Variants in TEAD4 observed in about 807,000 individuals in gnomAD.
The protein encoded by TEAD4 is transcriptional enhancer factor TEF-3.
A neutral mutation model predicts 52.4 loss-of-function variants in TEAD4; 36 were observed. The ratio of observed to expected loss-of-function variants is 0.69; its 90% confidence interval spans 0.53 to 0.91. The LOEUF is 0.91. Among genes scored for constraint, TEAD4 ranks in the 40% least tolerant of loss-of-function variants. The pLI is 0.00. For synonymous variants in TEAD4, 220 were observed against 231.0 expected, an observed-to-expected ratio of 0.95 and a Z score of 0.43; for missense variants, 508 against 583.9, an observed-to-expected ratio of 0.87 and a Z score of 1.34.
intron 2 of TEAD4, among the ~76,000 whole-genome samples, chr12:2,983,855 C>G (rs2098235986): frequency 6.6e-6 from 1 of 152,208 alleles, no homozygotes; most frequent in Non-Finnish European, 1.5e-5. Flanking sequence ...TGAGGACTTA[C>G]AGAGGAAGAC....
chr12:3,010,917 C>A lies in TEAD4; in HGVS notation c.227-87C>A, dbSNP rs911214677. 3 of 1,435,736 alleles carry A rather than the reference C, an allele frequency of 2.1e-6. No individual in the cohort carries two copies. In the African/African-American group the frequency reaches 4.2e-5, roughly 20 times the overall value. The allele number at this position is 1,435,736 out of a possible 1,614,324, so 88.9% of individuals were successfully genotyped here. On this transcript the variant is annotated intron_variant, in intron 3 of 12. Transcript: ENST00000359864. ...GGATGGGCAGAGAGTGAGGGCAGGG[C>A]TCCTCCGCAGAAGGTACCCCGCACC... is the stretch of plus-strand genomic sequence containing the variant.
At chr12:3,038,688 G>A (rs1160366234) in intron 11 of TEAD4, among the ~76,000 whole-genome samples, 2 of 152,242 alleles carry the variant, frequency 1.3e-5, no homozygotes, top group Non-Finnish European at 2.9e-5. Flanking sequence ...GTGCAGGGCA[G>A]TGGTGAGGAG....
At chr12:3,012,355 A>T in intron 5 of TEAD4, 123 bp downstream of exon 5, 1 of 1,118,052 alleles carries the variant, frequency 8.9e-7, no homozygotes, top group South Asian at 1.5e-5. Flanking sequence ...TCTGTTGAGG[A>T]GAGCCAGGTT....
chr12:2,993,186 A>G (rs2098244535), intron 2 of TEAD4, among the ~76,000 whole-genome samples: 1 of 152,216 alleles, frequency 6.6e-6, no homozygotes, highest in African/African-American at 2.4e-5. Context: ...GTATATTCAC[A>G]ATGCTGCGCA....
intron 10 of TEAD4, among the ~76,000 whole-genome samples, chr12:3,037,574 T>C (rs1373971232): frequency 6.6e-6 from 1 of 152,234 alleles, no homozygotes; most frequent in Non-Finnish European, 1.5e-5. Context: ...ATAATTCTGA[T>C]AGACGCATTC....
chr12:3,037,231 T>C (rs914804465), intron 10 of TEAD4, among the ~76,000 whole-genome samples: 1 of 152,164 alleles, frequency 6.6e-6, no homozygotes, highest in African/African-American at 2.4e-5. Context: ...TGTGGCTAAA[T>C]GGCTCAATGA....
rs750543521 is a variant in TEAD4 at position 2,994,842 on chromosome 12, G to GGGGGCAGTCAGGCAC, written c.77_91dup (p.Ala30_Leu31insArgGlySerGlnAla). 3.7e-6 allele frequency: 6 copies of GGGGGCAGTCAGGCAC among 1,613,994 alleles called. No homozygotes were observed. Among genetic ancestry groups the GGGGGCAGTCAGGCAC allele is most frequent in the Non-Finnish European group, 4.2e-6 (5 of 1,180,006 alleles). On this transcript the variant is annotated inframe_insertion, in exon 3 of 13. Transcript: ENST00000359864. This position sits in a 1 kb window ranked among gnomAD's most constrained non-coding sequence, Gnocchi z 4.7. ...CTCCCCTGAGGGGAGCACCGCCTCT[G>GGGGGCAGTCAGGCAC]GGGGCAGTCAGGCACTGGACAAGCC...
chr12:2,966,704 C>A (rs570962394), intron 2 of TEAD4, among the ~76,000 whole-genome samples: 105 of 151,922 alleles, frequency 6.9e-4, no homozygotes, highest in Admixed American at 1.8e-3. Context: ...AGCCACCATG[C>A]CCGGCGTATT....
At position 2,998,539 on chromosome 12, in the gene TEAD4, G is replaced by A. The variant is rs143646604; in HGVS notation, c.226+3547G>A. The stretch of plus-strand genomic sequence containing the variant: ...GGAGGGGCATGGGATGGGGACGCTC[G>A]GGAGGGCCTGGAGGAAGAGTGAGGA... On this transcript the variant is annotated intron_variant, in intron 3 of 12. Transcript: ENST00000359864. 2.6e-4 allele frequency among the ~76,000 whole-genome samples: 39 copies of A among 151,680 alleles called. No individual in the cohort carries two copies. In the East Asian group the frequency reaches 5.6e-3, roughly 22 times the overall value.
Position 2,987,938 on chromosome 12 carries a change from C to A in TEAD4, c.-29-6800C>A, listed in dbSNP as rs978761071. 3.3e-5 allele frequency among the ~76,000 whole-genome samples: 5 copies of A among 151,564 alleles called. No individual in the cohort carries two copies. The East Asian group carries it at 8.0e-4, about 24-fold the overall frequency. Reference sequence around the variant, plus strand: ...AAATTAGCCAGGCGTGATGGTGGCACATGCCTGTAATCCCAGCTACTTGGG... The same window carrying A: ...AAATTAGCCAGGCGTGATGGTGGCAAATGCCTGTAATCCCAGCTACTTGGG... On this transcript the variant is annotated intron_variant, in intron 2 of 12. Coordinates refer to ENST00000359864, the MANE Select transcript of TEAD4 (RefSeq NM_003213.4).
chr12:2,981,069 C>T (rs146699983), intron 2 of TEAD4, among the ~76,000 whole-genome samples: 10 of 152,298 alleles, frequency 6.6e-5, no homozygotes, highest in African/African-American at 2.2e-4. Context: ...AAGATGTAGT[C>T]AAGTGCTTTG....
intron 10 of TEAD4, among the ~76,000 whole-genome samples, chr12:3,029,610 G>A (rs1200127888): frequency 1.3e-5 from 2 of 151,842 alleles, no homozygotes; most frequent in Non-Finnish European, 2.9e-5. Context: ...TGAACTCCTG[G>A]CCTCAAGTGA....
At chr12:3,032,754 C>T (rs538005319) in intron 10 of TEAD4, among the ~76,000 whole-genome samples, 17 of 151,634 alleles carry the variant, frequency 1.1e-4, no homozygotes, top group African/African-American at 2.9e-4. Context: ...GATGAGGGAG[C>T]GCCGGAGGCC....
At chr12:3,012,281 G>A in intron 5 of TEAD4, 49 bp downstream of exon 5, 1 of 1,584,018 alleles carries the variant, frequency 6.3e-7, no homozygotes. Context: ...GTGGTGGCCA[G>A]CAGCATATCT....
intron 5 of TEAD4, 52 bp downstream of exon 5, chr12:3,012,284 G>A (rs765913987): frequency 3.8e-6 from 6 of 1,583,612 alleles, no homozygotes; most frequent in African/African-American, 2.7e-5. Context: ...GTGGCCAGCA[G>A]CATATCTTCC....
chr12:3,029,338 C>T (rs1200482759), intron 10 of TEAD4, among the ~76,000 whole-genome samples: 1 of 149,736 alleles, frequency 6.7e-6, no homozygotes, highest in Non-Finnish European at 1.5e-5. Context: ...CCCGGGTTCA[C>T]GCCATTCTTG....
chr12:3,002,449 T>C (rs1460330248), intron 3 of TEAD4, among the ~76,000 whole-genome samples: 1 of 152,240 alleles, frequency 6.6e-6, no homozygotes, highest in Non-Finnish European at 1.5e-5. Context: ...ACAGCAGCTG[T>C]ATCAGTTTAC....
chr12:3,018,656 G>T lies in TEAD4; in HGVS notation c.527+68G>T. 3.1e-6 allele frequency: 5 copies of T among 1,605,672 alleles called. No homozygotes were observed. In the South Asian group the frequency reaches 5.5e-5, roughly 18 times the overall value. The stretch of plus-strand genomic sequence containing the variant: ...CTGAACTTGAACCCATAAACTCATG[G>T]CATTAAGCCTGGGCCCCAGGGTGTG... On this transcript the variant is annotated intron_variant, in intron 7 of 12. Coordinates refer to ENST00000359864, the MANE Select transcript of TEAD4 (RefSeq NM_003213.4).
intron 2 of TEAD4, among the ~76,000 whole-genome samples, chr12:2,971,443 G>T (rs927751138): frequency 1.3e-5 from 2 of 151,858 alleles, no homozygotes; most frequent in Non-Finnish European, 2.9e-5. Context: ...TTTGTTTTTT[G>T]CGGGTTTTAT....
Sources: gnomAD v4.1 joint callset for allele counts (sites outside exome capture counted in the v4.1 genomes callset) on GRCh38, gnomAD v4.1.1 for gene constraint, Gnocchi (gnomAD v3.1) non-coding constraint, MANE v1.5 for transcripts, NCBI Gene and HGNC (gene_info 2026-07-23, HGNC 2026-07-21) for gene names.